The following NFAM1 variants were observed in gnomAD, a reference collection of about 807,000 sequenced individuals.
NFAM1 encodes NFAT activation molecule 1.
In NFAM1, 17 loss-of-function variants were observed where a neutral mutation model predicts 29.0. That is an observed-to-expected ratio of 0.59 (90% CI 0.40 to 0.88). NFAM1 has a LOEUF of 0.88. Ranked by LOEUF, NFAM1 falls within the 40% of genes least tolerant of loss-of-function variation. The pLI is 0.00. For missense variants in NFAM1, 324 were observed against 344.6 expected (o/e 0.94, Z 0.47); for synonymous variants, 175 against 147.2 (o/e 1.19, Z -1.36).
chr22:42,431,286 C>T (rs544398251), intron 1 of NFAM1, among the ~76,000 whole-genome samples: 1 of 152,230 alleles, frequency 6.6e-6, no homozygotes, highest in East Asian at 1.9e-4. Flanking sequence ...AGTACGTGCC[C>T]TGCTAAGGGC....
rs1569222616 is a variant in NFAM1 at position 42,382,359 on chromosome 22, GC to G, written c.*2801del. On this transcript the variant is annotated 3_prime_UTR_variant, in exon 6 of 6. Coordinates refer to ENST00000329021, the MANE Select transcript of NFAM1 (RefSeq NM_145912.8). Reference sequence around the variant, plus strand: ...GCATAAGCCACTACGCCTGGCCTGAGCTGTCTTGACTGTCACTGCAAACTGA... The same window carrying G: ...GCATAAGCCACTACGCCTGGCCTGAGTGTCTTGACTGTCACTGCAAACTGA... The G allele has an allele frequency of 6.6e-6, 1 of 152,144 alleles. No homozygotes were observed. Among genetic ancestry groups the G allele is most frequent in the African/African-American group, 2.4e-5 (1 of 41,402 alleles). 9.4% of individuals were successfully genotyped at this position (152,144 alleles called of 1,614,324 possible).
chr22:42,389,755 C>A (rs2147090873), intron 4 of NFAM1, among the ~76,000 whole-genome samples: 1 of 152,204 alleles, frequency 6.6e-6, no homozygotes, highest in South Asian at 2.1e-4. Context: ...CCCTTTGCCT[C>A]CTGCTGCCCA....
chr22:42,404,526 G>A (rs930437391), intron 3 of NFAM1, among the ~76,000 whole-genome samples: 1 of 152,034 alleles, frequency 6.6e-6, no homozygotes, highest in African/African-American at 2.4e-5. Flanking sequence ...TCCAGCCCAG[G>A]CTCTCACATC....
chr22:42,400,890 A>G (rs1369745731), intron 3 of NFAM1, among the ~76,000 whole-genome samples: 1 of 152,206 alleles, frequency 6.6e-6, no homozygotes, highest in Non-Finnish European at 1.5e-5. Flanking sequence ...ATGTGAGCTC[A>G]TGGGCAGTGG....
upstream of NFAM1, among the ~76,000 whole-genome samples, chr22:42,433,474 G>A (rs959253568): frequency 3.3e-5 from 5 of 152,196 alleles, no homozygotes; most frequent in African/African-American, 1.2e-4. Flanking sequence ...CATTTGAACT[G>A]CCAGTGGTAT....
chr22:42,406,814 G>A (rs576401921), intron 3 of NFAM1, among the ~76,000 whole-genome samples: 6 of 151,672 alleles, frequency 4.0e-5, no homozygotes, highest in East Asian at 1.9e-4. Flanking sequence ...TCACTCTGTC[G>A]CCCAGGCTGG....
chr22:42,432,426 C>A, upstream of NFAM1: 1 of 1,464,014 alleles, frequency 6.8e-7, no homozygotes, highest in Admixed American at 2.7e-5. Flanking sequence ...GACAGCTTCC[C>A]CTTTGCTTTC....
In NFAM1 at chr22:42,411,513, C is replaced by G; in HGVS notation, c.345G>C (p.Gln115His). The change falls in exon 2 of 6, where the codon CAG becomes CAC. Residue 115 changes from glutamine (Q) to histidine (H), a missense_variant. Transcript: ENST00000329021. ...TENQSHTLDC[Q>H]VTLVLPGASA... is the part of the protein sequence containing the mutation. ...ATGCTCCCGGCAGCACAAGGGTGAC[C>G]TGGCAGTCCAGGGTGTGGCTCTGGT... 6.2e-7 allele frequency: 1 copy of G among 1,614,202 alleles called. No homozygotes were observed. The highest frequency in any genetic ancestry group is 8.5e-7 in the Non-Finnish European group (1 of 1,180,022).
intron 4 of NFAM1, among the ~76,000 whole-genome samples, chr22:42,394,964 A>G (rs985437040): frequency 2.2e-4 from 34 of 152,162 alleles, no homozygotes; most frequent in African/African-American, 7.2e-4. Context: ...CAAAAAATTA[A>G]AAAACTCAAA....
intron 1 of NFAM1, among the ~76,000 whole-genome samples, chr22:42,428,843 CCAG>C (rs1288982445): frequency 6.6e-6 from 1 of 152,088 alleles, no homozygotes; most frequent in Non-Finnish European, 1.5e-5. Flanking sequence ...ACAGCTGTCA[CCAG>C]AAGAAGGCAG....
intron 1 of NFAM1, among the ~76,000 whole-genome samples, chr22:42,414,378 C>A (rs897394901): frequency 1.3e-5 from 2 of 151,912 alleles, no homozygotes; most frequent in Non-Finnish European, 2.9e-5. Flanking sequence ...CTTCAGGGCA[C>A]GGACTTATCC....
chr22:42,426,784 C>G (rs968798019), intron 1 of NFAM1, among the ~76,000 whole-genome samples: 3 of 152,102 alleles, frequency 2.0e-5, no homozygotes, highest in Non-Finnish European at 4.4e-5. Flanking sequence ...TGGGCAGGAC[C>G]CCCACGATCC....
chr22:42,425,442 C>T (rs1930592466), intron 1 of NFAM1, among the ~76,000 whole-genome samples: 1 of 152,196 alleles, frequency 6.6e-6, no homozygotes, highest in Non-Finnish European at 1.5e-5. Flanking sequence ...TCTTAAATCT[C>T]TACCTCCCAC....
In NFAM1 at chr22:42,424,892, CCTTT is replaced by C. The variant is rs200302094; in HGVS notation, c.121+7341_121+7344del. On this transcript the variant is annotated intron_variant, in intron 1 of 5. Coordinates refer to ENST00000329021, the MANE Select transcript of NFAM1 (RefSeq NM_145912.8). Reference sequence around the variant, plus strand: ...TCCTTCCCTCCCTCTCTCTTTCTTTCCTTTCTTTCTTTCTTTTCGTATTTATTTA... The same window carrying C: ...TCCTTCCCTCCCTCTCTCTTTCTTTCCTTTCTTTCTTTTCGTATTTATTTA... 2.5e-3 allele frequency among the ~76,000 whole-genome samples: 368 copies of C among 145,840 alleles called. 12 individuals are homozygous for C. In the East Asian group the frequency reaches 0.06, roughly 24 times the overall value.
chr22:42,420,026 T>C (rs1319015174), intron 1 of NFAM1, among the ~76,000 whole-genome samples: 17 of 97,822 alleles, frequency 1.7e-4, no homozygotes, highest in South Asian at 7.2e-4. Context: ...TTTTTTTTTT[T>C]CTGAGGCAGA....
chr22:42,429,639 T>G (rs751671636), intron 1 of NFAM1, among the ~76,000 whole-genome samples: 98 of 152,096 alleles, frequency 6.4e-4, no homozygotes, highest in Non-Finnish European at 1.3e-3. Flanking sequence ...AAATAAAAAA[T>G]CAAACTGAAG....
Position 42,380,553 on chromosome 22 carries a change from A to G in NFAM1, c.*4608T>C, listed in dbSNP as rs981448896. ...GCGCTCAGTCAAGGCTGAGGCCATC[A>G]TTCTGACCACAGGTCAGGGAAGGGA... On this transcript the variant is annotated 3_prime_UTR_variant, in exon 6 of 6. Coordinates refer to ENST00000329021, the MANE Select transcript of NFAM1 (RefSeq NM_145912.8). 6.6e-6 allele frequency: 1 copy of G among 152,640 alleles called. No individual in the cohort carries two copies. Among genetic ancestry groups the G allele is most frequent in the African/African-American group, 2.4e-5 (1 of 41,464 alleles). 9.5% of individuals were successfully genotyped at this position (152,640 alleles called of 1,614,324 possible).
At chr22:42,423,053 C>T (rs1930498986) in intron 1 of NFAM1, among the ~76,000 whole-genome samples, 1 of 134,414 alleles carries the variant, frequency 7.4e-6, no homozygotes, top group African/African-American at 2.9e-5. Context: ...GCAGAGATTG[C>T]AGTGAGCCAA....
At chr22:42,422,881 G>A (rs894468289) in intron 1 of NFAM1, among the ~76,000 whole-genome samples, 4 of 152,032 alleles carry the variant, frequency 2.6e-5, no homozygotes, top group Non-Finnish European at 4.4e-5. Context: ...TTGGGAGGCC[G>A]AGGCGGGTGG....
Sources: allele counts gnomAD v4.1 joint callset (sites outside exome capture counted in the v4.1 genomes callset), GRCh38; gene constraint gnomAD v4.1.1; transcripts MANE v1.5; gene names NCBI Gene and HGNC (gene_info 2026-07-23, HGNC 2026-07-21).